Variants in PHKG1 observed in about 807,000 individuals in gnomAD.
The protein encoded by PHKG1 is phosphorylase b kinase gamma catalytic chain, skeletal muscle/heart isoform.
A neutral mutation model predicts 50.5 loss-of-function variants in PHKG1; 48 were observed. The observed-to-expected ratio is 0.95, with a 90% CI of 0.75 to 1.21. The LOEUF is 1.21. Among genes scored for constraint, PHKG1 ranks in the 50% most tolerant of loss-of-function variants. The probability of loss-of-function intolerance (pLI) is 0.00; values close to 1 mark genes in which losing one functional copy is unlikely to be tolerated. For synonymous variants in PHKG1, 204 were observed against 212.8 expected, an observed-to-expected ratio of 0.96 and a Z score of 0.36; for missense variants, 487 against 519.5, an observed-to-expected ratio of 0.94 and a Z score of 0.61.
intron 6 of PHKG1, 119 bp from the exon 7 acceptor site, chr7:56,082,372 C>T (rs1053007765): frequency 1.0e-5 from 7 of 692,728 alleles, no homozygotes; most frequent in Admixed American, 5.3e-5. Flanking sequence ...GCAGGTGGCT[C>T]ATCTGAGGCC....
Position 56,081,899 on chromosome 7 carries a change from C to T in PHKG1, c.786G>A (p.Lys262=). The T allele has an allele frequency of 6.2e-7, 1 of 1,613,456 alleles. No individual in the cohort carries two copies. The highest frequency in any genetic ancestry group is 8.5e-7 in the Non-Finnish European group (1 of 1,179,934). ...AGTTGGCCTGGCCTCTCACCAGGTC[C>T]TTCACGGTGTCCGAGTAATCATCCC... ...PEWDDYSDTV[K]DLVSRFLVVQ... Residue 262 remains lysine, a synonymous_variant, in exon 8 of 10, where the codon AAG becomes AAA. Transcript: ENST00000297373. This position sits in a 1 kb window ranked among gnomAD's most constrained non-coding sequence, Gnocchi z 4.6.
At chr7:56,084,118 G>T in intron 4 of PHKG1, 1 of 1,232,972 alleles carries the variant, frequency 8.1e-7, no homozygotes, top group Non-Finnish European at 1.1e-6. Context: ...GGAAGCAATG[G>T]GCCCCGAGCT....
At chr7:56,083,106 A>C in intron 6 of PHKG1, 172 bp downstream of exon 6, 2 of 158,714 alleles carry the variant, frequency 1.3e-5, no homozygotes, top group Admixed American at 6.9e-5. Flanking sequence ...ACTCCATCTC[A>C]AAAAAAAAAA....
chr7:56,086,918 C>T (rs373973831), intron 4 of PHKG1, 52 bp downstream of exon 4: 3 of 1,409,566 alleles, frequency 2.1e-6, no homozygotes, highest in East Asian at 2.3e-5. Flanking sequence ...GGGGAGGGGA[C>T]AGCAGTCGGA....
chr7:56,091,371 G>A (rs1478746830), intron 1 of PHKG1, among the ~76,000 whole-genome samples: 3 of 151,834 alleles, frequency 2.0e-5, no homozygotes, highest in African/African-American at 7.3e-5. Flanking sequence ...CAAAAAATTA[G>A]CCGGGCGTGG....
At chr7:56,088,599 C>G (rs1050191923) in intron 2 of PHKG1, 7 of 344,130 alleles carry the variant, frequency 2.0e-5, no homozygotes, top group Non-Finnish European at 3.7e-5. Context: ...TCAAGCAATC[C>G]TCCCACCTCA....
In PHKG1 at chr7:56,081,018, C is replaced by A. The variant is rs761459471; in HGVS notation, c.*36G>T. On this transcript the variant is annotated 3_prime_UTR_variant, in exon 10 of 10. Transcript: ENST00000297373. The surrounding 1 kb of genome is among the most constrained non-coding windows in gnomAD (Gnocchi z 4.6). Reference sequence around the variant, plus strand: ...TTGTATTTCCATGGCTTCCCCTCCCCACCTGCCCCCTAGCCCTCCCTGACT... The same window carrying A: ...TTGTATTTCCATGGCTTCCCCTCCCAACCTGCCCCCTAGCCCTCCCTGACT... The A allele has an allele frequency of 3.1e-6, 5 of 1,608,252 alleles. No homozygotes were observed. The highest frequency in any genetic ancestry group is 4.2e-6 in the Non-Finnish European group (5 of 1,178,044).
In PHKG1 at chr7:56,080,991, A is replaced by G. The variant is rs1199339427; in HGVS notation, c.*63T>C. 1.9e-6 allele frequency: 3 copies of G among 1,588,812 alleles called. No individual in the cohort carries two copies. The East Asian group carries it at 6.7e-5, about 36-fold the overall frequency. On this transcript the variant is annotated 3_prime_UTR_variant, in exon 10 of 10. Coordinates refer to ENST00000297373, the MANE Select transcript of PHKG1 (RefSeq NM_006213.5). ...GGCCTGCACGCATCTCACCCCTTTG[A>G]CTTGTATTTCCATGGCTTCCCCTCC...
intron 4 of PHKG1, chr7:56,084,370 ATTTTTTTTTT>A: frequency 4.9e-6 from 2 of 408,794 alleles, no homozygotes; most frequent in African/African-American, 2.5e-5. Flanking sequence ...GAGTATCCCG[ATTTTTTTTTT>A]TTTTTTTTTT....
chr7:56,086,209 C>T (rs1796243667), intron 4 of PHKG1, among the ~76,000 whole-genome samples: 1 of 151,856 alleles, frequency 6.6e-6, no homozygotes, highest in African/African-American at 2.4e-5. Flanking sequence ...ACAGTCATCC[C>T]TCTTTATCTG....
chr7:56,082,097 C>T (rs1427174259), intron 7 of PHKG1, 51 bp from the exon 8 acceptor site: 1 of 1,610,550 alleles, frequency 6.2e-7, no homozygotes, highest in African/African-American at 1.3e-5. Flanking sequence ...GGGCACCGGC[C>T]CAGCCCTGCC....
At chr7:56,091,821 C>A (rs1035151013) in intron 1 of PHKG1, among the ~76,000 whole-genome samples, 2 of 152,236 alleles carry the variant, frequency 1.3e-5, no homozygotes, top group East Asian at 1.9e-4. Context: ...ATAACAAGTC[C>A]CCTCTGCTGG....
chr7:56,085,645 C>G (rs942695409), intron 4 of PHKG1, among the ~76,000 whole-genome samples: 1 of 152,102 alleles, frequency 6.6e-6, no homozygotes, highest in Admixed American at 6.6e-5. Flanking sequence ...TTACAGTCGT[C>G]CCTAGATAGT....
At position 56,081,890 on chromosome 7, in the gene PHKG1, C is replaced by A. The variant is rs1796016173; in HGVS notation, c.792+3G>T. 6.2e-7 allele frequency: 1 copy of A among 1,613,154 alleles called. No homozygotes were observed. The highest frequency in any genetic ancestry group is 1.3e-5 in the African/African-American group (1 of 74,938). ...CCAGGAGCCAGTTGGCCTGGCCTCT[C>A]ACCAGGTCCTTCACGGTGTCCGAGT... is the stretch of plus-strand genomic sequence containing the variant. On this transcript the variant is annotated splice_donor_region_variant and intron_variant, in intron 8 of 9. Transcript: ENST00000297373. The surrounding 1 kb of genome is among the most constrained non-coding windows in gnomAD (Gnocchi z 4.6).
At chr7:56,083,536 G>T in intron 5 of PHKG1, 95 bp from the exon 6 acceptor site, 5 of 1,526,724 alleles carry the variant, frequency 3.3e-6, no homozygotes, top group Non-Finnish European at 4.5e-6. Context: ...CTGCAAGGGA[G>T]CAGCACACAC....
At chr7:56,082,648 G>A (rs868604261) in intron 6 of PHKG1, among the ~76,000 whole-genome samples, 2 of 152,048 alleles carry the variant, frequency 1.3e-5, no homozygotes, top group Non-Finnish European at 2.9e-5. Context: ...CAGAAATGGC[G>A]CTCGGGCTGG....
chr7:56,091,302 G>A (rs1477688485), intron 1 of PHKG1, among the ~76,000 whole-genome samples: 1 of 152,136 alleles, frequency 6.6e-6, no homozygotes, highest in Non-Finnish European at 1.5e-5. Context: ...GGATCACGAG[G>A]TCAGGAGATC....
At position 56,087,755 on chromosome 7, in the gene PHKG1, C is replaced by T; in HGVS notation, c.105G>A (p.Arg35=). ...ILGRGVSSVV[R]RCIHKPTSQE... The stretch of plus-strand genomic sequence containing the variant: ...GGCTCGTGGGCTTGTGGATGCATCG[C>T]CTGACCACACTGCTAACGCCCCTGG... Residue 35 remains arginine, a synonymous_variant, in exon 3 of 10, where the codon AGG becomes AGA. Transcript: ENST00000297373. 3 of 1,612,684 alleles carry T rather than the reference C, an allele frequency of 1.9e-6. No individual in the cohort carries two copies. Among genetic ancestry groups the T allele is most frequent in the Non-Finnish European group, 2.5e-6 (3 of 1,179,960 alleles).
At position 56,083,266 on chromosome 7, in the gene PHKG1, A is replaced by G. The variant is rs758003422; in HGVS notation, c.547+12T>C. 10 of 1,613,546 alleles carry G rather than the reference A, an allele frequency of 6.2e-6. No homozygotes were observed. Among genetic ancestry groups the G allele is most frequent in the Middle Eastern group, 1.7e-4 (1 of 5,830 alleles). On this transcript the variant is annotated intron_variant, in intron 6 of 9. Coordinates refer to ENST00000297373, the MANE Select transcript of PHKG1 (RefSeq NM_006213.5). ...CGAGGCCTGGACGTGGGCCAAGGCC[A>G]TGTTACCAGACCTCGCAGCCTCTCT...
Sources: gnomAD v4.1 joint callset for allele counts (sites outside exome capture counted in the v4.1 genomes callset) on GRCh38, gnomAD v4.1.1 for gene constraint, Gnocchi (gnomAD v3.1) non-coding constraint, MANE v1.5 for transcripts, NCBI Gene and HGNC (gene_info 2026-07-23, HGNC 2026-07-21) for gene names.